Variants in SRPRA observed in about 807,000 individuals in gnomAD.
SRPRA encodes SRP receptor subunit alpha.
A neutral mutation model predicts 61.1 loss-of-function variants in SRPRA; 30 were observed. The observed-to-expected ratio is 0.49, with a 90% confidence interval of 0.37 to 0.67. The LOEUF (loss-of-function observed/expected upper bound fraction) is 0.67, where lower values mean the gene tolerates loss of function less well. SRPRA is among the 30% of genes least tolerant of loss of function. SRPRA has a pLI of 0.00. For synonymous variants in SRPRA, 324 were observed against 299.7 expected, an observed-to-expected ratio of 1.08 and a Z score of -0.84; for missense variants, 759 against 828.4, an observed-to-expected ratio of 0.92 and a Z score of 1.03.
At chr11:126,246,678 G>A in the SRPRA span, among the ~76,000 whole-genome samples, 1 of 152,108 alleles carries the variant, frequency 6.6e-6, no homozygotes, top group Non-Finnish European at 1.5e-5. Context: ...CTGGGCTCAA[G>A]TGATCTTCCT....
At chr11:126,241,559 TTTA>T in the SRPRA span, among the ~76,000 whole-genome samples, 1 of 150,598 alleles carries the variant, frequency 6.6e-6, no homozygotes, top group Non-Finnish European at 1.5e-5. Flanking sequence ...TATTTATTTA[TTTA>T]TTTTTTGATG....
chr11:126,266,378 A>G (rs1950810940), intron 6 of SRPRA, 98 bp downstream of exon 6: 25 of 1,590,810 alleles, frequency 1.6e-5, no homozygotes, highest in Admixed American at 8.5e-5. Context: ...AGCTCCAAGT[A>G]TAACTTACCC....
chr11:126,237,562 C>A, the SRPRA span, among the ~76,000 whole-genome samples: 1 of 140,424 alleles, frequency 7.1e-6, no homozygotes, highest in Non-Finnish European at 1.5e-5. Context: ...CTAGGCCAGG[C>A]TCGGTGGCTC....
In SRPRA at chr11:126,263,828, G is replaced by A; in HGVS notation, c.*88C>T. On this transcript the variant is annotated 3_prime_UTR_variant, in exon 14 of 14. Transcript: ENST00000332118. ...CTGCCTTTGTACTACACTGAAGACA[G>A]GTTGCTCACATACTCTAAAGCACAT... 1.3e-6 allele frequency: 2 copies of A among 1,554,408 alleles called. No individual in the cohort carries two copies. The highest frequency in any genetic ancestry group is 1.7e-6 in the Non-Finnish European group (2 of 1,148,134).
the SRPRA span, among the ~76,000 whole-genome samples, chr11:126,257,371 G>T: frequency 2.0e-5 from 3 of 152,312 alleles, no homozygotes; most frequent in East Asian, 5.8e-4. Context: ...GTACAAAGAT[G>T]CATGCGTGGG....
the SRPRA span, among the ~76,000 whole-genome samples, chr11:126,248,358 CTTT>C: frequency 2.7e-5 from 1 of 36,966 alleles, no homozygotes; most frequent in East Asian, 1.2e-3. Flanking sequence ...TAGTAGTTGA[CTTT>C]TTTTTTTTTT....
At chr11:126,241,220 T>A in the SRPRA span, 1 of 607,244 alleles carries the variant, frequency 1.6e-6, no homozygotes, top group Non-Finnish European at 2.7e-6. Flanking sequence ...TGGACCCTAC[T>A]CAGGACAGTT....
chr11:126,240,206 T>G, the SRPRA span, among the ~76,000 whole-genome samples: 1 of 152,114 alleles, frequency 6.6e-6, no homozygotes, highest in Non-Finnish European at 1.5e-5. Flanking sequence ...GTCCTTTGAT[T>G]AGTTAATGTC....
chr11:126,267,917 A>G lies in SRPRA; in HGVS notation c.201+86T>C. 1 of 1,482,788 alleles carries G rather than the reference A, an allele frequency of 6.7e-7. No individual in the cohort carries two copies. Among genetic ancestry groups the G allele is most frequent in the Non-Finnish European group, 9.4e-7 (1 of 1,063,988 alleles). 91.9% of individuals were successfully genotyped at this position (1,482,788 alleles called of 1,614,324 possible). A position where few individuals can be genotyped will look rare whatever the true frequency, so the allele number is the denominator to read the frequency against. On this transcript the variant is annotated intron_variant, in intron 2 of 13. Coordinates refer to ENST00000332118, the MANE Select transcript of SRPRA (RefSeq NM_003139.4). The surrounding 1 kb of genome is among the most constrained non-coding windows in gnomAD (Gnocchi z 4.2). ...CTAGTTTTTTCAGTTACGTCATCATATACACTGGCTGCAATTAATCAGAGT... is the reference window on the plus strand; with the variant it reads ...CTAGTTTTTTCAGTTACGTCATCATGTACACTGGCTGCAATTAATCAGAGT...
the SRPRA span, among the ~76,000 whole-genome samples, chr11:126,239,311 A>G: frequency 6.6e-6 from 1 of 152,196 alleles, no homozygotes. Flanking sequence ...TCTGTATGTT[A>G]TATAAAAAAA....
In SRPRA at chr11:126,264,593, T is replaced by TC. The variant is rs1950769935; in HGVS notation, c.1526-55dup. The stretch of plus-strand genomic sequence containing the variant: ...CACCTGGACTACCACTCATGCTCGT[T>TC]CCCAGCTTCCTCTCAAAAAGTCCTA... On this transcript the variant is annotated intron_variant, in intron 11 of 13. Transcript: ENST00000332118. The surrounding 1 kb of genome is among the most constrained non-coding windows in gnomAD (Gnocchi z 5.0). 6.3e-7 allele frequency: 1 copy of TC among 1,588,278 alleles called. No homozygotes were observed. Among genetic ancestry groups the TC allele is most frequent in the South Asian group, 1.1e-5 (1 of 88,896 alleles).
At chr11:126,243,903 C>CAA in the SRPRA span, among the ~76,000 whole-genome samples, 24 of 104,574 alleles carry the variant, frequency 2.3e-4, no homozygotes, top group South Asian at 3.5e-3. Context: ...GACTCCGTCT[C>CAA]AAAAAAAAAA....
At chr11:126,268,457 C>T (rs1274837209) in intron 1 of SRPRA, among the ~76,000 whole-genome samples, 1 of 152,138 alleles carries the variant, frequency 6.6e-6, no homozygotes, top group African/African-American at 2.4e-5. Flanking sequence ...GGAGGAGAAT[C>T]CCAAAGGCGC....
At chr11:126,260,547 ATTTT>A (rs926120030), downstream of SRPRA, 8 of 151,240 alleles carry the variant, frequency 5.3e-5, no homozygotes, top group Admixed American at 2.0e-4. Flanking sequence ...AACGTCTGAT[ATTTT>A]TTTTGCCAGT....
At position 126,265,628 on chromosome 11, in the gene SRPRA, C is replaced by T; in HGVS notation, c.1138+109G>A. The T allele has an allele frequency of 7.6e-7, 1 of 1,321,022 alleles. No homozygotes were observed. Among genetic ancestry groups the T allele is most frequent in the South Asian group, 1.2e-5 (1 of 80,126 alleles). 81.8% of individuals were successfully genotyped at this position (1,321,022 alleles called of 1,614,324 possible). A position where few individuals can be genotyped will look rare whatever the true frequency, so the allele number is the denominator to read the frequency against. ...TCAATAACCCTTAAAATCTAGGTTA[C>T]AGAGGTTTAGAGGTTAAGGAATTTG... On this transcript the variant is annotated intron_variant, in intron 9 of 13. Coordinates refer to ENST00000332118, the MANE Select transcript of SRPRA (RefSeq NM_003139.4). This position sits in a 1 kb window ranked among gnomAD's most constrained non-coding sequence, Gnocchi z 6.3.
At chr11:126,241,672 C>A in the SRPRA span, among the ~76,000 whole-genome samples, 2 of 152,148 alleles carry the variant, frequency 1.3e-5, no homozygotes, top group Non-Finnish European at 2.9e-5. Flanking sequence ...GTCTCAGCCT[C>A]CTGAGTAGGT....
the SRPRA span, chr11:126,241,289 TG>T: frequency 6.7e-5 from 26 of 386,182 alleles, no homozygotes; most frequent in East Asian, 9.0e-4. Flanking sequence ...GGACTTTATA[TG>T]TACAAATTAC....
chr11:126,242,407 T>C, the SRPRA span, among the ~76,000 whole-genome samples: 60 of 151,776 alleles, frequency 4.0e-4, no homozygotes, highest in Non-Finnish European at 7.6e-4. Flanking sequence ...CTGGACAACA[T>C]AGTGAGACCC....
Position 126,267,090 on chromosome 11 carries a change from A to C in SRPRA, c.526+85T>G, listed in dbSNP as rs1163840988. 6.4e-7 allele frequency: 1 copy of C among 1,559,166 alleles called. No individual in the cohort carries two copies. The highest frequency in any genetic ancestry group is 1.4e-5 in the African/African-American group (1 of 72,956). On this transcript the variant is annotated intron_variant, in intron 4 of 13. Coordinates refer to ENST00000332118, the MANE Select transcript of SRPRA (RefSeq NM_003139.4). The surrounding 1 kb of genome is among the most constrained non-coding windows in gnomAD (Gnocchi z 4.2). ...CCATTTGAGTGAGAAGCAGGTAAGC[A>C]ATGACAAAAGGAAGGACCACCTCAG...
Sources: allele counts gnomAD v4.1 joint callset (sites outside exome capture counted in the v4.1 genomes callset), GRCh38; gene constraint gnomAD v4.1.1; non-coding constraint Gnocchi (gnomAD v3.1); transcripts MANE v1.5; gene names NCBI Gene and HGNC (gene_info 2026-07-23, HGNC 2026-07-21).